SHC2: variants seen among roughly 807,000 people sequenced by gnomAD.
The protein encoded by SHC2 is SHC adaptor protein 2, also known as SHC-transforming protein 2.
Under a neutral mutation model 60.6 loss-of-function variants are expected in SHC2, and 62 were observed. The observed-to-expected ratio is 1.02, with a 90% CI of 0.83 to 1.26. The LOEUF (loss-of-function observed/expected upper bound fraction) is 1.26. Ranked by LOEUF, SHC2 falls within the 50% of genes most tolerant of loss-of-function variation. SHC2 has a pLI of 0.00. For synonymous variants in SHC2, 375 were observed against 372.4 expected (o/e 1.01, Z -0.08); for missense variants, 873 against 822.2 (o/e 1.06, Z -0.76).
In SHC2 at chr19:418,985, G is replaced by C. The variant is rs1371822886; in HGVS notation, c.1692C>G (p.Pro564=). 2 of 1,586,114 alleles carry C rather than the reference G, an allele frequency of 1.3e-6. No homozygotes were observed. The highest frequency in any genetic ancestry group is 1.7e-6 in the Non-Finnish European group (2 of 1,166,780). ...LIDHHLQNGQ[P]IVAAESELHL... Reference sequence around the variant, plus strand: ...GCAGCTCACTCTCGGCGGCCACGATGGGCTGCCCGTTCTGCAGGTGGTGGT... The same window carrying C: ...GCAGCTCACTCTCGGCGGCCACGATCGGCTGCCCGTTCTGCAGGTGGTGGT... The change falls in exon 12 of 13, where the codon CCC becomes CCG. Residue 564 remains proline, a synonymous_variant. Transcript: ENST00000264554.
intron 1 of SHC2, among the ~76,000 whole-genome samples, chr19:460,328 C>A: frequency 6.6e-6 from 1 of 151,944 alleles, no homozygotes; most frequent in East Asian, 1.9e-4. Context: ...CCCCACGTGA[C>A]GCCGTGGGAA....
In SHC2 at chr19:446,882, T is replaced by A. The variant is rs1975066066; in HGVS notation, c.469-5950A>T. 1.3e-5 allele frequency among the ~76,000 whole-genome samples: 2 copies of A among 151,578 alleles called. No homozygotes were observed. Among genetic ancestry groups the A allele is most frequent in the Admixed American group, 1.3e-4 (2 of 15,214 alleles). On this transcript the variant is annotated intron_variant, in intron 1 of 12. Transcript: ENST00000264554. The surrounding 1 kb of genome is among the most constrained non-coding windows in gnomAD (Gnocchi z 5.4). ...AGGCCAGGGCAGATACAAGCCGAGG[T>A]CCCCATGTCTGCACTCCCAGCCTGG...
chr19:442,847 GTGGACGGA>G (rs1974926799), intron 1 of SHC2, among the ~76,000 whole-genome samples: 1 of 72,558 alleles, frequency 1.4e-5, no homozygotes, highest in South Asian at 5.5e-4. Flanking sequence ...GGGTGGACGG[GTGGACGGA>G]TGGATGGGTG....
At chr19:439,280 C>A (rs1387350599) in intron 2 of SHC2, 3 of 571,756 alleles carry the variant, frequency 5.2e-6, no homozygotes, top group Non-Finnish European at 3.1e-6. Flanking sequence ...GGCACCAGCC[C>A]ACTCCACGTG....
chr19:458,122 T>TCC (rs1457439400), intron 1 of SHC2, among the ~76,000 whole-genome samples: 33 of 83,020 alleles, frequency 4.0e-4, no homozygotes, highest in Non-Finnish European at 4.7e-4. Context: ...AAGCGGGTCT[T>TCC]GGGGAGGCGG....
chr19:451,958 C>T (rs1975210991), intron 1 of SHC2, among the ~76,000 whole-genome samples: 1 of 152,192 alleles, frequency 6.6e-6, no homozygotes, highest in Admixed American at 6.5e-5. Context: ...CCAAATCGTC[C>T]GTGTGACTCC....
rs999478307 is a variant in SHC2 at position 416,735 on chromosome 19, G to A, written c.*593C>T. 2 of 152,218 alleles carry A rather than the reference G, an allele frequency of 1.3e-5. No homozygotes were observed. Among genetic ancestry groups the A allele is most frequent in the Admixed American group, 6.5e-5 (1 of 15,282 alleles). 9.4% of individuals were successfully genotyped at this position (152,218 alleles called of 1,614,324 possible). On this transcript the variant is annotated 3_prime_UTR_variant, in exon 13 of 13. Coordinates refer to ENST00000264554, the MANE Select transcript of SHC2 (RefSeq NM_012435.3). ...TTCCCCTGCTCCCAGGTGGAGTAGG[G>A]GCCTCACGACTGCCTCGATATCCAC...
chr19:419,606 C>T (rs1349974689), intron 11 of SHC2: 1 of 152,314 alleles, frequency 6.6e-6, no homozygotes, highest in African/African-American at 2.4e-5. Flanking sequence ...AGGAACCAGC[C>T]CCGGCCACAC....
intron 1 of SHC2, among the ~76,000 whole-genome samples, chr19:444,760 C>T (rs1440858556): frequency 6.6e-6 from 1 of 152,136 alleles, no homozygotes; most frequent in Non-Finnish European, 1.5e-5. Flanking sequence ...ATCCTTTAAT[C>T]CACTGCACGC....
At position 440,974 on chromosome 19, in the gene SHC2, G is replaced by C. The variant is rs771053592; in HGVS notation, c.469-42C>G. The C allele has an allele frequency of 6.3e-7, 1 of 1,578,628 alleles. No homozygotes were observed. The highest frequency in any genetic ancestry group is 1.7e-5 in the Admixed American group (1 of 59,952). ...GGTGTCAGATGCCATCGGAACCCCC[G>C]CAGTGGAGCCACGTCCCTTTTCCCA... On this transcript the variant is annotated intron_variant, in intron 1 of 12. Coordinates refer to ENST00000264554, the MANE Select transcript of SHC2 (RefSeq NM_012435.3). The surrounding 1 kb of genome is among the most constrained non-coding windows in gnomAD (Gnocchi z 7.0).
rs3764573 is a variant in SHC2, at chr19:419,075, G to A, written c.1621-19C>T. On this transcript the variant is annotated intron_variant, in intron 11 of 12. Coordinates refer to ENST00000264554, the MANE Select transcript of SHC2 (RefSeq NM_012435.3). ...TCCGTACCTGCGGGACAGAGACCTC[G>A]GCATCAGCTCCCGGGAGCCCGCCTG... 38,003 of 1,561,682 alleles carry A rather than the reference G, an allele frequency of 0.024. 2,381 individuals are homozygous for A. The highest frequency in any genetic ancestry group is 0.2 in the East Asian group (8,617 of 42,214).
rs539044869 is a variant in SHC2 at position 445,094 on chromosome 19, T to C, written c.469-4162A>G. On this transcript the variant is annotated intron_variant, in intron 1 of 12. Transcript: ENST00000264554. The surrounding 1 kb of genome is among the most constrained non-coding windows in gnomAD (Gnocchi z 4.4). ...GCGCCCAGTGCTGCCGGCCATGTGC[T>C]TTTTTAAAAAAGAGACCAGAAATTC... Among the ~76,000 whole-genome samples, 1 of 152,248 alleles carries C rather than the reference T, an allele frequency of 6.6e-6. No homozygotes were observed. The highest frequency in any genetic ancestry group is 1.5e-5 in the Non-Finnish European group (1 of 68,038).
intron 1 of SHC2, among the ~76,000 whole-genome samples, chr19:447,284 G>A (rs1049348351): frequency 2.0e-5 from 3 of 151,830 alleles, no homozygotes; most frequent in African/African-American, 4.8e-5. Context: ...GGAAGGGGAC[G>A]CGTGGGCGCC....
intron 11 of SHC2, among the ~76,000 whole-genome samples, chr19:420,234 G>A (rs1974235870): frequency 3.9e-5 from 6 of 152,154 alleles, no homozygotes; most frequent in Admixed American, 3.9e-4. Flanking sequence ...CAGTCTGAGG[G>A]GGCTCAGGAA....
chr19:442,872 T>C (rs1245122407), intron 1 of SHC2, among the ~76,000 whole-genome samples: 1 of 118,712 alleles, frequency 8.4e-6, no homozygotes, highest in Admixed American at 9.1e-5. Flanking sequence ...GGTGGGTGGA[T>C]AGATGAGTGG....
At chr19:450,419 C>T (rs937227562) in intron 1 of SHC2, among the ~76,000 whole-genome samples, 1 of 152,200 alleles carries the variant, frequency 6.6e-6, no homozygotes. Context: ...AGCGCATTCC[C>T]GTGGCTGTGC....
In SHC2 at chr19:440,247, G is replaced by C. The variant is rs1437157841; in HGVS notation, c.539+615C>G. ...CGGGGAGTGGCTGTGATGGGGACGG[G>C]GTGTTTTGATGGGGTAATGAGAATG... On this transcript the variant is annotated intron_variant, in intron 2 of 12. Transcript: ENST00000264554. The surrounding 1 kb of genome is among the most constrained non-coding windows in gnomAD (Gnocchi z 7.0). Among the ~76,000 whole-genome samples the C allele has an allele frequency of 6.6e-6, 1 of 151,916 alleles. No homozygotes were observed. The highest frequency in any genetic ancestry group is 2.4e-5 in the African/African-American group (1 of 41,348).
At chr19:436,465 G>T (rs1240416628) in intron 5 of SHC2, 34 bp from the exon 6 acceptor site, 1 of 1,601,942 alleles carries the variant, frequency 6.2e-7, no homozygotes, top group Admixed American at 1.7e-5. Context: ...GGACCTGCCT[G>T]GGCCCCCCAC....
chr19:460,407 C>T, intron 1 of SHC2, 122 bp downstream of exon 1: 1 of 366,856 alleles, frequency 2.7e-6, no homozygotes, highest in Non-Finnish European at 4.4e-6. Flanking sequence ...TCCGGGGTGG[C>T]GGGAGAGCAG....
Sources: allele counts gnomAD v4.1 joint callset (sites outside exome capture counted in the v4.1 genomes callset), GRCh38; gene constraint gnomAD v4.1.1; non-coding constraint Gnocchi (gnomAD v3.1); transcripts MANE v1.5; gene names NCBI Gene and HGNC (gene_info 2026-07-23, HGNC 2026-07-21).